The following TTC17 variants were observed in gnomAD, a reference collection of about 807,000 sequenced individuals.
TTC17 encodes tetratricopeptide repeat protein 17.
A neutral mutation model predicts 143.8 loss-of-function variants in TTC17; 58 were observed. That is an observed-to-expected ratio of 0.40 (90% CI 0.33 to 0.50). The LOEUF (loss-of-function observed/expected upper bound fraction) is 0.50, where lower values mean the gene tolerates loss of function less well. Ranked by LOEUF, TTC17 falls within the 20% of genes least tolerant of loss-of-function variation. The pLI, the probability that TTC17 is intolerant of heterozygous loss-of-function variation, is 0.49. For synonymous variants in TTC17, 501 were observed against 497.8 expected (o/e 1.01, Z -0.09); for missense variants, 1,273 against 1,392.5 (o/e 0.91, Z 1.37).
chr11:43,359,159 G>C, intron 1 of TTC17, 46 bp downstream of exon 1: 1 of 1,519,806 alleles, frequency 6.6e-7, no homozygotes, highest in Non-Finnish European at 8.8e-7. Context: ...CCCTCGCCCC[G>C]GGGGGATTAC....
intron 21 of TTC17, among the ~76,000 whole-genome samples, chr11:43,465,994 A>G (rs763992909): frequency 6.6e-6 from 1 of 152,244 alleles, no homozygotes; most frequent in African/African-American, 2.4e-5. Context: ...GTGAAAAGAC[A>G]GCCTACAGAC....
intron 15 of TTC17, among the ~76,000 whole-genome samples, chr11:43,413,706 GAA>G (rs756140204): frequency 7.2e-6 from 1 of 138,656 alleles, no homozygotes; most frequent in Admixed American, 7.2e-5. Context: ...ATAGGCACCT[GAA>G]AAAAAAAAAA....
intron 16 of TTC17, among the ~76,000 whole-genome samples, chr11:43,418,366 T>C (rs1946824787): frequency 6.6e-6 from 1 of 152,184 alleles, no homozygotes; most frequent in Admixed American, 6.5e-5. Context: ...CTTAATACAT[T>C]GATTTTTTTT....
intron 21 of TTC17, chr11:43,468,199 G>A (rs569830833): frequency 1.3e-5 from 2 of 152,334 alleles, no homozygotes; most frequent in East Asian, 3.9e-4. Context: ...CATTTCAATT[G>A]CTGGAAGAAA....
chr11:43,475,802 C>G (rs897718890), intron 21 of TTC17, among the ~76,000 whole-genome samples: 1 of 152,168 alleles, frequency 6.6e-6, no homozygotes, highest in African/African-American at 2.4e-5. Flanking sequence ...TCAACCTGTA[C>G]TATTTTCAAT....
At chr11:43,454,210 G>A (rs1464758527) in intron 21 of TTC17, among the ~76,000 whole-genome samples, 2 of 152,102 alleles carry the variant, frequency 1.3e-5, no homozygotes, top group African/African-American at 2.4e-5. Context: ...ATTAAATGCT[G>A]GTGGAGAGGA....
chr11:43,361,940 A>G (rs1288873866), intron 1 of TTC17, among the ~76,000 whole-genome samples: 4 of 150,952 alleles, frequency 2.6e-5, no homozygotes, highest in Non-Finnish European at 4.4e-5. Context: ...AGAAGTACTT[A>G]TGACTTAAAA....
At chr11:43,460,449 C>G (rs1432338196) in intron 21 of TTC17, among the ~76,000 whole-genome samples, 4 of 152,262 alleles carry the variant, frequency 2.6e-5, no homozygotes, top group African/African-American at 9.6e-5. Flanking sequence ...TTTCCAGCCT[C>G]CGTTAGTAGT....
At chr11:43,391,397 T>A (rs1857380182) in intron 3 of TTC17, 68 bp from the exon 4 acceptor site, 2 of 1,086,488 alleles carry the variant, frequency 1.8e-6, no homozygotes, top group Non-Finnish European at 2.7e-6. Context: ...AGACCCTTTC[T>A]CTAAATAAAT....
Position 43,367,714 on chromosome 11 carries a change from CTGTGTG to C in TTC17, c.159+8629_159+8634del, listed in dbSNP as rs3083209. Among the ~76,000 whole-genome samples, 489 of 147,162 alleles carry C rather than the reference CTGTGTG, an allele frequency of 3.3e-3. 2 individuals are homozygous for C. Among genetic ancestry groups the C allele is most frequent in the African/African-American group, 6.3e-3 (251 of 39,926 alleles). On this transcript the variant is annotated intron_variant, in intron 1 of 23. Transcript: ENST00000039989. ...GCAGAAGTGAAAACAAGGGGAATGT[CTGTGTG>C]TGTGTGTGTGTGTGTGTGTGTGTGT...
At chr11:43,393,867 G>T (rs1282795035) in intron 5 of TTC17, among the ~76,000 whole-genome samples, 1 of 152,206 alleles carries the variant, frequency 6.6e-6, no homozygotes, top group Non-Finnish European at 1.5e-5. Context: ...TAGTCTGGAG[G>T]CTGGGAAGTC....
intron 21 of TTC17, among the ~76,000 whole-genome samples, chr11:43,485,902 T>C (rs1294050570): frequency 6.9e-6 from 1 of 144,266 alleles, no homozygotes; most frequent in Non-Finnish European, 1.6e-5. Context: ...TTTTTTTTTT[T>C]TGAACATATG....
chr11:43,414,601 T>A lies in TTC17; in HGVS notation c.2076T>A (p.Phe692Leu). The change falls in exon 16 of 24, where the codon TTT becomes TTA. Residue 692 changes from phenylalanine (F) to leucine (L), a missense_variant. Around this residue, in one of 3 missense-constraint regions of TTC17, gnomAD observed 878 missense variants for 899.8 expected, o/e 0.98. Coordinates refer to ENST00000039989, the MANE Select transcript of TTC17 (RefSeq NM_018259.6). ...LAINSSEPLT[F>L]LSLGNAYLAL... ...TTTTTTCTTTTCAGCCTCTGACCTT[T>A]TTGAGCCTGGGAAATGCTTACCTTG... 6.2e-7 allele frequency: 1 copy of A among 1,601,050 alleles called. No individual in the cohort carries two copies. The highest frequency in any genetic ancestry group is 2.2e-5 in the East Asian group (1 of 44,764).
chr11:43,406,911 G>A (rs1187017888), intron 13 of TTC17, among the ~76,000 whole-genome samples: 2 of 152,128 alleles, frequency 1.3e-5, no homozygotes, highest in Non-Finnish European at 2.9e-5. Flanking sequence ...TTTAATGTGT[G>A]GGGGTATATA....
intron 2 of TTC17, among the ~76,000 whole-genome samples, chr11:43,382,909 C>CT (rs1278794780): frequency 3.3e-5 from 5 of 149,338 alleles, no homozygotes; most frequent in East Asian, 3.9e-4. Context: ...TTTTCTTTTT[C>CT]TTTTTTTTGA....
chr11:43,410,371 A>C (rs1858354205), intron 15 of TTC17, among the ~76,000 whole-genome samples: 1 of 152,144 alleles, frequency 6.6e-6, no homozygotes, highest in Admixed American at 6.6e-5. Context: ...GTTAGATTTC[A>C]AGTGTTCTCA....
chr11:43,470,963 C>T lies in TTC17; in HGVS notation c.3031-19276C>T, dbSNP rs557346137. Among the ~76,000 whole-genome samples, 190 of 152,292 alleles carry T rather than the reference C, an allele frequency of 1.2e-3. 1 individual carries two copies. Among genetic ancestry groups the T allele is most frequent in the African/African-American group, 4.2e-3 (176 of 41,556 alleles). ...TAGCTTCAGCCTTTAAAATACTAGT[C>T]ATTATTTATTATTTCTTCAAAAGCC... On this transcript the variant is annotated intron_variant, in intron 21 of 23. Transcript: ENST00000039989.
intron 10 of TTC17, 69 bp downstream of exon 10, chr11:43,401,627 T>C: frequency 9.2e-7 from 1 of 1,090,218 alleles, no homozygotes. Context: ...AACTTTTGTT[T>C]TTCCTCTTGA....
intron 22 of TTC17, chr11:43,491,813 C>T (rs2306566): frequency 0.051 from 31,590 of 614,540 alleles, 1,110 homozygotes; most frequent in East Asian, 0.12. Flanking sequence ...AGCAAGACTT[C>T]GCCAATGAAA....
Sources: allele counts gnomAD v4.1 joint callset (sites outside exome capture counted in the v4.1 genomes callset), GRCh38; gene constraint gnomAD v4.1.1; regional missense constraint gnomAD v4.1.1; transcripts MANE v1.5; gene names NCBI Gene and HGNC (gene_info 2026-07-23, HGNC 2026-07-21).